GNL2: variants seen among roughly 807,000 people sequenced by gnomAD.
The protein encoded by GNL2 is nucleolar GTP-binding protein 2.
Under a neutral mutation model 92.3 loss-of-function variants are expected in GNL2, and 51 were observed. The ratio of observed to expected loss-of-function variants is 0.55; its 90% CI spans 0.44 to 0.70. GNL2 has a LOEUF of 0.70. Among genes scored for constraint, GNL2 ranks in the 30% least tolerant of loss-of-function variants. The probability of loss-of-function intolerance (pLI) is 0.00; values close to 1 mark genes in which losing one functional copy is unlikely to be tolerated. For missense variants in GNL2, 844 were observed against 895.6 expected (o/e 0.94, Z 0.74); for synonymous variants, 283 against 300.6 (o/e 0.94, Z 0.61).
At position 37,593,766 on chromosome 1, in the gene GNL2, G is replaced by A. The variant is rs1207041261; in HGVS notation, c.145C>T (p.Arg49Cys). The A allele has an allele frequency of 6.2e-6, 10 of 1,611,158 alleles. No homozygotes were observed. Among genetic ancestry groups the A allele is most frequent in the South Asian group, 2.2e-5 (2 of 91,000 alleles). ...RRLNMYRQKERRNSRGKIIKP... is the reference protein window; with the variant it reads ...RRLNMYRQKECRNSRGKIIKP... ...ATGACAGCACCCAGTGCTCACCTGC[G>A]CTCCTTTTGCCTATACATATTCAGG... Residue 49 changes from arginine (R) to cysteine (C), a missense_variant, in exon 2 of 16, where the codon CGC becomes TGC. Coordinates refer to ENST00000373062, the MANE Select transcript of GNL2 (RefSeq NM_013285.3).
At chr1:37,571,262 A>C (rs1643589579) in intron 12 of GNL2, among the ~76,000 whole-genome samples, 1 of 152,230 alleles carries the variant, frequency 6.6e-6, no homozygotes, top group African/African-American at 2.4e-5. Flanking sequence ...TGTTGCTAAA[A>C]GTTCCTGAAC....
chr1:37,569,108 G>A lies in GNL2; in HGVS notation c.1611C>T (p.Asn537=), dbSNP rs1399175424. Residue 537 remains asparagine (N), a synonymous_variant, in exon 13 of 16, where the codon AAC becomes AAT. Coordinates refer to ENST00000373062, the MANE Select transcript of GNL2 (RefSeq NM_013285.3). ...TRVRQNFGKI[N]VVPQFSGDDL... is the part of the protein sequence containing the mutation. ...CATCCCCAGAAAACTGAGGCACCAC[G>A]TTGATTTTACCAAAGTTCTGCCGAA... 2.5e-6 allele frequency: 4 copies of A among 1,614,130 alleles called. No individual in the cohort carries two copies. Among genetic ancestry groups the A allele is most frequent in the East Asian group, 4.5e-5 (2 of 44,884 alleles).
In GNL2 at chr1:37,570,695, C is replaced by T. The variant is rs189715510; in HGVS notation, c.1417-1393G>A. ...AACATGAGCCAAAACAATTTCTGTT[C>T]ATTATAATTACCCAATCTGTAGTAT... On this transcript the variant is annotated intron_variant, in intron 12 of 15. Coordinates refer to ENST00000373062, the MANE Select transcript of GNL2 (RefSeq NM_013285.3). The T allele has an allele frequency of 2.6e-5, 4 of 152,260 alleles. No homozygotes were observed. In the East Asian group the frequency reaches 7.7e-4, roughly 29 times the overall value. 9.4% of individuals were successfully genotyped at this position (152,260 alleles called of 1,614,324 possible).
At position 37,575,903 on chromosome 1, in the gene GNL2, G is replaced by C. The variant is rs570415935; in HGVS notation, c.1039-204C>G. 2.6e-4 allele frequency among the ~76,000 whole-genome samples: 40 copies of C among 152,296 alleles called. No individual in the cohort carries two copies. The highest frequency in any genetic ancestry group is 9.1e-4 in the African/African-American group (38 of 41,558). ...TAAGTGTAAACTATAGTTTCCATCAGCTAAGAGTCTAAAAACAACACAGAG... is the reference window on the plus strand; with the variant it reads ...TAAGTGTAAACTATAGTTTCCATCACCTAAGAGTCTAAAAACAACACAGAG... On this transcript the variant is annotated intron_variant, in intron 9 of 15. Coordinates refer to ENST00000373062, the MANE Select transcript of GNL2 (RefSeq NM_013285.3). The surrounding 1 kb of genome is among the most constrained non-coding windows in gnomAD (Gnocchi z 4.1).
intron 8 of GNL2, among the ~76,000 whole-genome samples, chr1:37,581,754 T>A (rs942594787): frequency 6.6e-6 from 1 of 152,164 alleles, no homozygotes; most frequent in Non-Finnish European, 1.5e-5. Flanking sequence ...AAACTCCGCC[T>A]CCCAGGTTCA....
intron 8 of GNL2, 66 bp from the exon 9 acceptor site, chr1:37,576,622 G>C (rs886660744): frequency 1.0e-4 from 152 of 1,499,052 alleles, no homozygotes; most frequent in Non-Finnish European, 1.3e-4. Context: ...CAAGTAGGTT[G>C]TATTACTTTG....
intron 4 of GNL2, 47 bp downstream of exon 4, chr1:37,590,659 G>A (rs1198118670): frequency 2.0e-6 from 3 of 1,506,056 alleles, no homozygotes; most frequent in East Asian, 4.5e-5. Flanking sequence ...GGATCTGCAT[G>A]GAGTTTGCCC....
At chr1:37,591,133 G>A (rs902611923) in intron 3 of GNL2, among the ~76,000 whole-genome samples, 1 of 152,200 alleles carries the variant, frequency 6.6e-6, no homozygotes, top group African/African-American at 2.4e-5. Flanking sequence ...AGCGTGGAAT[G>A]GAACTGAGAT....
chr1:37,575,594 C>A lies in GNL2; in HGVS notation c.1143+1G>T. The A allele has an allele frequency of 1.3e-6, 2 of 1,564,324 alleles. No homozygotes were observed. The highest frequency in any genetic ancestry group is 1.7e-6 in the Non-Finnish European group (2 of 1,154,742). On this transcript the variant is annotated splice_donor_variant, in intron 10 of 15. Coordinates refer to ENST00000373062, the MANE Select transcript of GNL2 (RefSeq NM_013285.3). LOFTEE classifies it high-confidence loss of function. The surrounding 1 kb of genome is among the most constrained non-coding windows in gnomAD (Gnocchi z 4.1). ...ACAGCCTATCAGGGCCAAATACTCA[C>A]AACTCCTTTTAGCACAATGTCTGTC...
chr1:37,576,303 G>T, intron 9 of GNL2, 125 bp downstream of exon 9: 1 of 825,410 alleles, frequency 1.2e-6, no homozygotes, highest in Non-Finnish European at 1.9e-6. Flanking sequence ...ACTATTATAT[G>T]GTGAGCTAAA....
intron 12 of GNL2, 87 bp from the exon 13 acceptor site, chr1:37,569,389 C>A: frequency 1.2e-6 from 1 of 868,432 alleles, no homozygotes; most frequent in Non-Finnish European, 1.8e-6. Context: ...CTTAAACAGT[C>A]CTCTTCTCAG....
chr1:37,591,251 T>C (rs1207157063), intron 3 of GNL2, among the ~76,000 whole-genome samples: 1 of 152,198 alleles, frequency 6.6e-6, no homozygotes, highest in Non-Finnish European at 1.5e-5. Context: ...ATTTGAGTCA[T>C]AGTTAGCCAC....
chr1:37,582,352 A>G lies in GNL2; in HGVS notation c.796-16T>C. 1 of 1,546,552 alleles carries G rather than the reference A, an allele frequency of 6.5e-7. No individual in the cohort carries two copies. ...CCCACCGTTTCTAGAAGGAGAGATGAAAACATTTTGGTAAACTGCAGTACA... is the reference window on the plus strand; with the variant it reads ...CCCACCGTTTCTAGAAGGAGAGATGGAAACATTTTGGTAAACTGCAGTACA... On this transcript the variant is annotated splice_polypyrimidine_tract_variant and intron_variant, in intron 7 of 15. Transcript: ENST00000373062.
At chr1:37,576,090 C>G in intron 9 of GNL2, 1 of 317,040 alleles carries the variant, frequency 3.2e-6, no homozygotes, top group Non-Finnish European at 5.8e-6. Flanking sequence ...CTTTCAGAAC[C>G]TACCTTAAGT....
chr1:37,574,539 G>A, intron 11 of GNL2, 83 bp from the exon 12 acceptor site: 1 of 1,400,862 alleles, frequency 7.1e-7, no homozygotes, highest in Non-Finnish European at 1.0e-6. Flanking sequence ...GTTGTCCCAG[G>A]GGTTCATCAT....
In GNL2 at chr1:37,568,961, C is replaced by T. The variant is rs1395547942; in HGVS notation, c.1758G>A (p.Glu586=). 1.2e-6 allele frequency: 2 copies of T among 1,613,634 alleles called. No homozygotes were observed. Among genetic ancestry groups the T allele is most frequent in the Non-Finnish European group, 1.7e-6 (2 of 1,179,650 alleles). Residue 586 remains glutamate (E), a synonymous_variant, in exon 13 of 16, where the codon GAG becomes GAA. Coordinates refer to ENST00000373062, the MANE Select transcript of GNL2 (RefSeq NM_013285.3). The part of the protein sequence containing the change: ...DAEESSSEPE[E]ENVGNDTKAV... ...CTTTGGTGTCGTTTCCCACATTTTC[C>T]TCCTCAGGCTCCGAGGAAGACTCTT...
In GNL2 at chr1:37,592,780, G is replaced by A. The variant is rs140206804; in HGVS notation, c.176C>T (p.Pro59Leu). The change falls in exon 3 of 16, where the codon CCC becomes CTC. Residue 59 changes from proline (P) to leucine (L), a missense_variant. Transcript: ENST00000373062. ...RRNSRGKIIK[P>L]LQYQSTVASG... ...AGCCACCGTTGATTGATATTGCAGGGGTTTAATTATTTTACCACGACTGTT... is the reference window on the plus strand; with the variant it reads ...AGCCACCGTTGATTGATATTGCAGGAGTTTAATTATTTTACCACGACTGTT... 478 of 1,606,040 alleles carry A rather than the reference G, an allele frequency of 3.0e-4. No homozygotes were observed. The highest frequency in any genetic ancestry group is 6.2e-4 in the Admixed American group (37 of 59,986).
chr1:37,575,559 G>C lies in GNL2; in HGVS notation c.1143+36C>G. The C allele has an allele frequency of 7.8e-7, 1 of 1,285,144 alleles. No individual in the cohort carries two copies. Among genetic ancestry groups the C allele is most frequent in the Admixed American group, 2.3e-5 (1 of 42,700 alleles). The allele number at this position is 1,285,144 out of a possible 1,614,324, so 79.6% of individuals were successfully genotyped here. A position where few individuals can be genotyped will look rare whatever the true frequency, so the allele number is the denominator to read the frequency against. On this transcript the variant is annotated intron_variant, in intron 10 of 15. Transcript: ENST00000373062. This position sits in a 1 kb window ranked among gnomAD's most constrained non-coding sequence, Gnocchi z 4.1. ...AGGGTTCCCTATAGAACACTCCCCC[G>C]CAAACACAAACAGCCTATCAGGGCC...
chr1:37,579,169 T>C (rs1643724339), intron 8 of GNL2, among the ~76,000 whole-genome samples: 1 of 152,010 alleles, frequency 6.6e-6, no homozygotes, highest in Admixed American at 6.6e-5. Flanking sequence ...GCAGAGCAAA[T>C]CAGAATTCAA....
Sources: gnomAD v4.1 joint callset for allele counts (sites outside exome capture counted in the v4.1 genomes callset) on GRCh38, gnomAD v4.1.1 for gene constraint, Gnocchi (gnomAD v3.1) non-coding constraint, MANE v1.5 for transcripts, NCBI Gene and HGNC (gene_info 2026-07-23, HGNC 2026-07-21) for gene names.